CLSTN1: variants seen among roughly 807,000 people sequenced by gnomAD.
CLSTN1 encodes the protein calsyntenin-1.
A neutral mutation model predicts 108.3 loss-of-function variants in CLSTN1; 28 were observed. That is an observed-to-expected ratio of 0.26 (90% CI 0.19 to 0.35). The LOEUF is 0.35. CLSTN1 is among the 10% of genes least tolerant of loss of function. The probability of loss-of-function intolerance (pLI) is 1.00; values close to 1 mark genes in which losing one functional copy is unlikely to be tolerated. For synonymous variants in CLSTN1, 524 were observed against 534.9 expected, an observed-to-expected ratio of 0.98 and a Z score of 0.28; for missense variants, 1,157 against 1,302.6, an observed-to-expected ratio of 0.89 and a Z score of 1.72.
At chr1:9,809,175 CCA>C (rs948512000) in intron 1 of CLSTN1, among the ~76,000 whole-genome samples, 11 of 152,320 alleles carry the variant, frequency 7.2e-5, no homozygotes, top group Admixed American at 7.2e-4. Context: ...TGTCCGCTGG[CCA>C]CAGATGCCTC....
chr1:9,750,628 C>T (rs753086897), intron 5 of CLSTN1, among the ~76,000 whole-genome samples: 31 of 148,274 alleles, frequency 2.1e-4, no homozygotes, highest in Non-Finnish European at 3.1e-4. Flanking sequence ...GGGAGGATCC[C>T]GTGAGCCCAG....
In CLSTN1 at chr1:9,823,307, C is replaced by G. The variant is rs575874104; in HGVS notation, c.91+336G>C. Among the ~76,000 whole-genome samples, 2 of 152,330 alleles carry G rather than the reference C, an allele frequency of 1.3e-5. No homozygotes were observed. Among genetic ancestry groups the G allele is most frequent in the East Asian group, 3.9e-4 (2 of 5,178 alleles). ...CCTTCGGCCCGTCTGCACGTTCCCC[C>G]AAATCAGCGCAGCCACCACCATGGG... On this transcript the variant is annotated intron_variant, in intron 1 of 18. Coordinates refer to ENST00000377298, the MANE Select transcript of CLSTN1 (RefSeq NM_001009566.3). The surrounding 1 kb of genome is among the most constrained non-coding windows in gnomAD (Gnocchi z 6.3).
chr1:9,809,273 G>A (rs1451792081), intron 1 of CLSTN1, among the ~76,000 whole-genome samples: 2 of 152,254 alleles, frequency 1.3e-5, no homozygotes, highest in South Asian at 2.1e-4. Flanking sequence ...ACTCTGAAGC[G>A]CCCGCCCAAA....
chr1:9,818,275 A>C (rs1655055255), intron 1 of CLSTN1, among the ~76,000 whole-genome samples: 1 of 150,088 alleles, frequency 6.7e-6, no homozygotes, highest in African/African-American at 2.5e-5. Context: ...CTCCCAAAGC[A>C]CTGGGATTAC....
chr1:9,782,557 G>C (rs1257628788), intron 1 of CLSTN1, among the ~76,000 whole-genome samples: 1 of 152,132 alleles, frequency 6.6e-6, no homozygotes, highest in Admixed American at 6.5e-5. Flanking sequence ...TATCATTTCA[G>C]GATATGACTC....
intron 7 of CLSTN1, among the ~76,000 whole-genome samples, chr1:9,746,525 G>A (rs755571937): frequency 2.8e-4 from 43 of 152,164 alleles, no homozygotes; most frequent in Non-Finnish European, 5.9e-4. Flanking sequence ...AACCAGCCTG[G>A]CCAATATGGT....
chr1:9,785,564 C>T (rs1414288196), intron 1 of CLSTN1, among the ~76,000 whole-genome samples: 1 of 152,092 alleles, frequency 6.6e-6, no homozygotes, highest in Admixed American at 6.6e-5. Context: ...CAGCAGCATC[C>T]CGGCCTCAAA....
intron 1 of CLSTN1, among the ~76,000 whole-genome samples, chr1:9,775,709 A>G (rs1652906639): frequency 6.6e-6 from 1 of 152,258 alleles, no homozygotes; most frequent in South Asian, 2.1e-4. Context: ...GCTGATCTGA[A>G]AAGATGGAAA....
At chr1:9,822,302 A>G (rs1655218256) in intron 1 of CLSTN1, among the ~76,000 whole-genome samples, 1 of 152,258 alleles carries the variant, frequency 6.6e-6, no homozygotes, top group South Asian at 2.1e-4. Context: ...GACAGAGTCA[A>G]CAGAATGTTA....
intron 1 of CLSTN1, among the ~76,000 whole-genome samples, chr1:9,780,035 A>G (rs2101185661): frequency 6.6e-6 from 1 of 152,058 alleles, no homozygotes; most frequent in South Asian, 2.1e-4. Flanking sequence ...TTGTATTTTA[A>G]GTAGAGATGG....
At chr1:9,768,262 G>A (rs1162334823) in intron 2 of CLSTN1, among the ~76,000 whole-genome samples, 4 of 149,284 alleles carry the variant, frequency 2.7e-5, no homozygotes, top group Non-Finnish European at 5.9e-5. Context: ...AGCACCATAG[G>A]GATGGGGTTC....
In CLSTN1 at chr1:9,735,478, G is replaced by C; in HGVS notation, c.1872C>G (p.Thr624=). 1 of 1,614,198 alleles carries C rather than the reference G, an allele frequency of 6.2e-7. No homozygotes were observed. The highest frequency in any genetic ancestry group is 8.5e-7 in the Non-Finnish European group (1 of 1,180,034). ...PTPGIRRLKI[T]STIKCFNEAT... is the part of the protein sequence containing the mutation. ...AAATCAGGACGTACTTGATTGTGCT[G>C]GTGATTTTGAGTCTGCGAATTCCGG... Residue 624 remains threonine (T), a synonymous_variant, in exon 13 of 19, where the codon ACC becomes ACG. Transcript: ENST00000377298.
At chr1:9,743,713 A>T (rs1651095268) in intron 9 of CLSTN1, among the ~76,000 whole-genome samples, 171 bp downstream of exon 9, 2 of 149,986 alleles carry the variant, frequency 1.3e-5, no homozygotes, top group South Asian at 4.2e-4. Context: ...ATGCCCAGCT[A>T]ATTTTCGTGG....
At position 9,749,781 on chromosome 1, in the gene CLSTN1, C is replaced by T; in HGVS notation, c.782G>A (p.Cys261Tyr). Residue 261 changes from cysteine to tyrosine, a missense_variant, in exon 6 of 19, where the codon TGC (cysteine) becomes TAC (tyrosine). By Grantham distance (194) the Cys-to-Tyr change is radical. Transcript: ENST00000377298. ...AAGCTCACCTTGCCACCCAGGGGTGCAGGTGGGCTTAATGCTGATCTTCAC... is the reference window on the plus strand; with the variant it reads ...AAGCTCACCTTGCCACCCAGGGGTGTAGGTGGGCTTAATGCTGATCTTCAC... ...VLVKISIKPTCTPGWQGWNNR... is the reference protein window; with the variant it reads ...VLVKISIKPTYTPGWQGWNNR... 6.2e-7 allele frequency: 1 copy of T among 1,614,130 alleles called. No individual in the cohort carries two copies. Among genetic ancestry groups the T allele is most frequent in the Non-Finnish European group, 8.5e-7 (1 of 1,180,020 alleles).
chr1:9,780,991 G>A (rs1023906302), intron 1 of CLSTN1: 12 of 472,964 alleles, frequency 2.5e-5, no homozygotes, highest in African/African-American at 8.1e-5. Flanking sequence ...GTGTCATGTC[G>A]GTGCTTAAAA....
At chr1:9,736,657 AACAGGTT>A (rs1650706871) in intron 11 of CLSTN1, among the ~76,000 whole-genome samples, 1 of 152,224 alleles carries the variant, frequency 6.6e-6, no homozygotes, top group Non-Finnish European at 1.5e-5. Flanking sequence ...AAGAGCCAGA[AACAGGTT>A]ACACTAAACC....
intron 1 of CLSTN1, among the ~76,000 whole-genome samples, chr1:9,806,035 A>T (rs966863903): frequency 1.3e-5 from 2 of 152,076 alleles, no homozygotes; most frequent in African/African-American, 4.8e-5. Context: ...CAAGCCTGTA[A>T]TCTTAACATT....
chr1:9,802,981 C>A (rs1220254804), intron 1 of CLSTN1, among the ~76,000 whole-genome samples: 1 of 151,994 alleles, frequency 6.6e-6, no homozygotes, highest in East Asian at 1.9e-4. Context: ...CCTGCCACCA[C>A]ACTTAGGTAA....
intron 1 of CLSTN1, among the ~76,000 whole-genome samples, chr1:9,789,253 A>C (rs1433327073): frequency 1.3e-5 from 2 of 151,120 alleles, no homozygotes; most frequent in African/African-American, 4.8e-5. Context: ...TGTTTTGAGG[A>C]GCCGCCATAC....
Sources: allele counts gnomAD v4.1 joint callset (sites outside exome capture counted in the v4.1 genomes callset), GRCh38; gene constraint gnomAD v4.1.1; non-coding constraint Gnocchi (gnomAD v3.1); transcripts MANE v1.5; gene names NCBI Gene and HGNC (gene_info 2026-07-23, HGNC 2026-07-21).